Variants in ITGA8 observed in about 807,000 individuals in gnomAD.
ITGA8 encodes integrin subunit alpha 8, also known as integrin alpha-8.
A neutral mutation model predicts 142.3 loss-of-function variants in ITGA8; 91 were observed. That is an observed-to-expected ratio of 0.64 (90% CI 0.54 to 0.76). The LOEUF (loss-of-function observed/expected upper bound fraction) is 0.76. Ranked by LOEUF, ITGA8 falls within the 30% of genes least tolerant of loss-of-function variation. The pLI is 0.00. For synonymous variants in ITGA8, 505 were observed against 485.2 expected, an observed-to-expected ratio of 1.04 and a Z score of -0.54; for missense variants, 1,406 against 1,327.7, an observed-to-expected ratio of 1.06 and a Z score of -0.92.
intron 13 of ITGA8, among the ~76,000 whole-genome samples, chr10:15,631,549 C>T (rs1473091864): frequency 6.6e-6 from 1 of 151,796 alleles, no homozygotes; most frequent in Non-Finnish European, 1.5e-5. Flanking sequence ...AGGAACATCA[C>T]ATACCGGGTC....
intron 1 of ITGA8, among the ~76,000 whole-genome samples, chr10:15,719,311 T>C (rs1444593034): frequency 6.6e-6 from 1 of 152,192 alleles, no homozygotes; most frequent in Non-Finnish European, 1.5e-5. Flanking sequence ...GTAGGATGCG[T>C]GCGTCTTGGT....
Position 15,519,326 on chromosome 10 carries a change from C to T in ITGA8, c.3069G>A (p.Leu1023=), listed in dbSNP as rs767617565. Residue 1023 remains leucine (L), a synonymous_variant, in exon 29 of 30, where the codon TTG becomes TTA. Transcript: ENST00000378076. ...CTAAGGTTAAAATGGCGAGAACCAA[C>T]AATCCAAGAAGTATTGCTAGTATTA... ...WVIILAILLG[L]LVLAILTLAL... The T allele has an allele frequency of 6.2e-7, 1 of 1,613,760 alleles. No homozygotes were observed. The highest frequency in any genetic ancestry group is 1.7e-5 in the Admixed American group (1 of 59,994).
At chr10:15,645,098 A>AG (rs1470107446) in intron 12 of ITGA8, among the ~76,000 whole-genome samples, 2 of 150,276 alleles carry the variant, frequency 1.3e-5, no homozygotes, top group Non-Finnish European at 3.0e-5. Flanking sequence ...GTCTCAAAAA[A>AG]AAAAAAAAAA....
intron 11 of ITGA8, among the ~76,000 whole-genome samples, chr10:15,647,555 C>G (rs985537082): frequency 6.7e-6 from 1 of 149,808 alleles, no homozygotes; most frequent in Non-Finnish European, 1.5e-5. Context: ...CTCCGCTTCC[C>G]GGGTTCACGC....
At position 15,519,768 on chromosome 10, in the gene ITGA8, A is replaced by T. The variant is rs141267551; in HGVS notation, c.2983-356T>A. ...ATGGCCAAAAGTAGACTCAATAAAA[A>T]ACTGAATGAATCTGTCTACCATGTG... is the stretch of plus-strand genomic sequence containing the variant. On this transcript the variant is annotated intron_variant, in intron 28 of 29. Transcript: ENST00000378076. Among the ~76,000 whole-genome samples the T allele has an allele frequency of 1.5e-3, 234 of 152,270 alleles. 1 individual carries two copies. Among genetic ancestry groups the T allele is most frequent in the African/African-American group, 5.5e-3 (227 of 41,556 alleles).
In ITGA8 at chr10:15,718,897, G is replaced by A; in HGVS notation, c.212C>T (p.Ala71Val). 6.2e-7 allele frequency: 1 copy of A among 1,613,996 alleles called. No individual in the cohort carries two copies. The highest frequency in any genetic ancestry group is 8.5e-7 in the Non-Finnish European group (1 of 1,180,018). Residue 71 changes from alanine (A) to valine (V), a missense_variant and splice_region_variant, in exon 2 of 30, where the codon GCG becomes GTG. Coordinates refer to ENST00000378076, the MANE Select transcript of ITGA8 (RefSeq NM_003638.3). ...VDFHIPDART[A>V]SVLVGAPKAN... is the part of the protein sequence containing the mutation. ...TTTGGGCGCCCCCACCAAGACACTCGCTCTGCAAAAGAGTTGGAGAAAGTC... is the reference window on the plus strand; with the variant it reads ...TTTGGGCGCCCCCACCAAGACACTCACTCTGCAAAAGAGTTGGAGAAAGTC...
chr10:15,644,332 A>ATCTCAAC, intron 12 of ITGA8, 111 bp from the exon 13 acceptor site: 1 of 988,516 alleles, frequency 1.0e-6, no homozygotes. Context: ...CAGTGGTGGG[A>ATCTCAAC]TCATGGCTCA....
intron 8 of ITGA8, among the ~76,000 whole-genome samples, chr10:15,670,653 A>G (rs1471781335): frequency 6.6e-6 from 1 of 152,180 alleles, no homozygotes; most frequent in Non-Finnish European, 1.5e-5. Context: ...TCTCAATCAA[A>G]TCTACATAGG....
At chr10:15,658,887 C>A (rs191108883) in intron 10 of ITGA8, 112 bp downstream of exon 10, 1 of 744,542 alleles carries the variant, frequency 1.3e-6, no homozygotes, top group East Asian at 2.9e-5. Flanking sequence ...GTTTCCAGTA[C>A]GTAGTAGCTG....
chr10:15,666,428 T>G (rs993618347), intron 8 of ITGA8, among the ~76,000 whole-genome samples: 1 of 152,170 alleles, frequency 6.6e-6, no homozygotes, highest in Non-Finnish European at 1.5e-5. Context: ...GCTGAGACGA[T>G]GGGGTTTTCT....
At chr10:15,534,219 A>G (rs1398626511) in intron 27 of ITGA8, among the ~76,000 whole-genome samples, 1 of 151,832 alleles carries the variant, frequency 6.6e-6, no homozygotes, top group African/African-American at 2.4e-5. Context: ...CTCATCACCA[A>G]TCTTGACTGC....
intron 7 of ITGA8, among the ~76,000 whole-genome samples, chr10:15,672,395 CA>C (rs1440820394): frequency 2.6e-5 from 4 of 152,092 alleles, no homozygotes; most frequent in Admixed American, 2.0e-4. Context: ...AGTTCATGTG[CA>C]AAAAACTGCT....
intron 20 of ITGA8, among the ~76,000 whole-genome samples, chr10:15,599,419 A>G (rs1394240858): frequency 6.6e-6 from 1 of 152,128 alleles, no homozygotes; most frequent in African/African-American, 2.4e-5. Context: ...TCCTCACTGA[A>G]TTCTTAATTA....
intron 8 of ITGA8, among the ~76,000 whole-genome samples, chr10:15,668,867 T>C (rs1414095334): frequency 1.3e-5 from 2 of 152,350 alleles, no homozygotes; most frequent in Admixed American, 6.5e-5. Flanking sequence ...TTCTGGCTAG[T>C]AGAGTTTCTG....
At chr10:15,551,864 A>G (rs1273066465) in intron 26 of ITGA8, among the ~76,000 whole-genome samples, 1 of 152,178 alleles carries the variant, frequency 6.6e-6, no homozygotes, top group Non-Finnish European at 1.5e-5. Context: ...TGAACCAGTA[A>G]GAGAGAAAGA....
Position 15,678,799 on chromosome 10 carries a change from T to C in ITGA8, c.569-16A>G. 1.3e-6 allele frequency: 2 copies of C among 1,534,940 alleles called. No individual in the cohort carries two copies. The highest frequency in any genetic ancestry group is 1.8e-6 in the Non-Finnish European group (2 of 1,112,878). The stretch of plus-strand genomic sequence containing the variant: ...TCAGCATTGCCTAGAACGATCAAAA[T>C]ACATAAATGTTATAACGTTATCATT... On this transcript the variant is annotated splice_polypyrimidine_tract_variant and intron_variant, in intron 4 of 29. Coordinates refer to ENST00000378076, the MANE Select transcript of ITGA8 (RefSeq NM_003638.3).
chr10:15,694,265 A>ATATATAT (rs1458479577), intron 2 of ITGA8, among the ~76,000 whole-genome samples: 16 of 99,466 alleles, frequency 1.6e-4, no homozygotes, highest in African/African-American at 5.2e-4. Flanking sequence ...CATATACATC[A>ATATATAT]GATAATATAT....
intron 10 of ITGA8, among the ~76,000 whole-genome samples, chr10:15,656,617 C>A (rs1160100120): frequency 6.6e-6 from 1 of 152,130 alleles, no homozygotes; most frequent in Non-Finnish European, 1.5e-5. Context: ...ACCCACTCGG[C>A]CTCCCAAAGT....
At chr10:15,616,799 A>T (rs562966656) in intron 13 of ITGA8, among the ~76,000 whole-genome samples, 19 of 152,148 alleles carry the variant, frequency 1.2e-4, no homozygotes, top group African/African-American at 4.6e-4. Context: ...AGGAAGGTCA[A>T]TTTCTAGAAA....
Sources: gnomAD v4.1 joint callset for allele counts (sites outside exome capture counted in the v4.1 genomes callset) on GRCh38, gnomAD v4.1.1 for gene constraint, MANE v1.5 for transcripts, NCBI Gene and HGNC (gene_info 2026-07-23, HGNC 2026-07-21) for gene names.